Variants in DIAPH3 observed in about 807,000 individuals in gnomAD.
DIAPH3 encodes the protein protein diaphanous homolog 3.
DIAPH3 carries 117 observed loss-of-function variants against 144.3 expected under a neutral mutation model. The ratio of observed to expected loss-of-function variants is 0.81; its 90% CI spans 0.70 to 0.95. DIAPH3 has a LOEUF of 0.95. Among genes scored for constraint, DIAPH3 ranks in the 40% least tolerant of loss-of-function variants. The pLI, the probability that DIAPH3 is intolerant of heterozygous loss-of-function variation, is 0.00. For synonymous variants in DIAPH3, 519 were observed against 488.9 expected, an observed-to-expected ratio of 1.06 and a Z score of -0.81; for missense variants, 1,421 against 1,412.7, an observed-to-expected ratio of 1.01 and a Z score of -0.09.
chr13:59,756,505 GCAGGCAGGTAGT>G (rs1455536230), intron 27 of DIAPH3, among the ~76,000 whole-genome samples: 1 of 142,774 alleles, frequency 7.0e-6, no homozygotes, highest in Non-Finnish European at 1.6e-5. Flanking sequence ...AGGCAGGCAG[GCAGGCAGGTAGT>G]CAGGCAGGCA....
At chr13:59,765,945 T>C (rs889386145) in intron 27 of DIAPH3, among the ~76,000 whole-genome samples, 1 of 152,054 alleles carries the variant, frequency 6.6e-6, no homozygotes, top group South Asian at 2.1e-4. Context: ...TGCAGTAGGG[T>C]CCCCCATCCC....
intron 8 of DIAPH3, 57 bp from the exon 9 acceptor site, chr13:60,008,706 C>T (rs2053047573): frequency 9.1e-7 from 1 of 1,097,448 alleles, no homozygotes; most frequent in African/African-American, 1.5e-5. Flanking sequence ...TGCCATAATA[C>T]AATTGCTTTA....
chr13:59,780,411 T>A (rs940180349), intron 25 of DIAPH3, among the ~76,000 whole-genome samples: 1 of 152,204 alleles, frequency 6.6e-6, no homozygotes, highest in Non-Finnish European at 1.5e-5. Flanking sequence ...TTTACAGTAT[T>A]CTAACATAGA....
chr13:59,868,353 C>A (rs528865382), intron 21 of DIAPH3, among the ~76,000 whole-genome samples: 35 of 152,076 alleles, frequency 2.3e-4, no homozygotes, highest in African/African-American at 7.2e-4. Flanking sequence ...ACAAATGGAC[C>A]AAATACATTA....
At chr13:59,806,063 T>A (rs1366900083) in intron 25 of DIAPH3, among the ~76,000 whole-genome samples, 2 of 151,962 alleles carry the variant, frequency 1.3e-5, no homozygotes, top group Non-Finnish European at 2.9e-5. Context: ...ACTAAAGCCA[T>A]GAAAATATAT....
chr13:59,701,302 T>C (rs2034100666), intron 27 of DIAPH3, among the ~76,000 whole-genome samples: 1 of 152,212 alleles, frequency 6.6e-6, no homozygotes, highest in South Asian at 2.1e-4. Context: ...ATACATCAAT[T>C]AGATGCTCTC....
At chr13:60,098,695 T>C (rs2058178429) in intron 3 of DIAPH3, among the ~76,000 whole-genome samples, 1 of 152,114 alleles carries the variant, frequency 6.6e-6, no homozygotes, top group African/African-American at 2.4e-5. Flanking sequence ...CCTCCTTCCA[T>C]TCAAACACAG....
chr13:59,760,333 A>C (rs76018728), intron 27 of DIAPH3, among the ~76,000 whole-genome samples: 1 of 152,138 alleles, frequency 6.6e-6, no homozygotes, highest in East Asian at 1.9e-4. Flanking sequence ...ATTTAATAAA[A>C]CTCTGTTCAT....
At position 59,879,223 on chromosome 13, in the gene DIAPH3, A is replaced by G; in HGVS notation, c.2607+6T>C. The G allele has an allele frequency of 6.2e-7, 1 of 1,613,634 alleles. No homozygotes were observed. Among genetic ancestry groups the G allele is most frequent in the South Asian group, 1.1e-5 (1 of 91,072 alleles). On this transcript the variant is annotated splice_donor_region_variant and intron_variant, in intron 21 of 27. Coordinates refer to ENST00000400324, the MANE Select transcript of DIAPH3 (RefSeq NM_001042517.2). ...CAAATATGTGTTTTTAAAAAAACAA[A>G]CTCACTTTACAGAGAGAGCTAAGGT...
rs74734305 is a variant in DIAPH3 at position 59,879,361 on chromosome 13, A to G, written c.2475T>C (p.Thr825=). 2.4e-3 allele frequency: 3,821 copies of G among 1,613,902 alleles called. 112 individuals carry two copies. In the East Asian group the frequency reaches 0.067, roughly 28 times the overall value. The change falls in exon 21 of 28, where the codon ACT becomes ACC. Residue 825 remains threonine, a synonymous_variant. Transcript: ENST00000400324. ...TGCTCTTCTTTATCTCTTCGCAGGC[A>G]GTACTGACAGCCATGATGTCAGGTT... ...NIKPDIMAVS[T]ACEEIKKSKS... is the part of the protein sequence containing the mutation.
At chr13:59,671,373 TCTCAA>T (rs1405737094) in intron 27 of DIAPH3, among the ~76,000 whole-genome samples, 3 of 152,234 alleles carry the variant, frequency 2.0e-5, no homozygotes, top group Non-Finnish European at 2.9e-5. Context: ...CGTTTCTATT[TCTCAA>T]CTCAACTCTT....
intron 1 of DIAPH3, among the ~76,000 whole-genome samples, chr13:60,151,179 T>C (rs551762681): frequency 6.6e-5 from 10 of 152,182 alleles, no homozygotes; most frequent in African/African-American, 2.4e-4. Flanking sequence ...CTTAACACTA[T>C]AGTGATGAGG....
chr13:59,900,175 C>G (rs1189853337), intron 20 of DIAPH3, among the ~76,000 whole-genome samples: 1 of 152,084 alleles, frequency 6.6e-6, no homozygotes, highest in Non-Finnish European at 1.5e-5. Flanking sequence ...TAAGCTCAAT[C>G]CCTTGATTAA....
At chr13:59,739,183 G>T (rs7321128) in intron 27 of DIAPH3, among the ~76,000 whole-genome samples, 1 of 151,914 alleles carries the variant, frequency 6.6e-6, no homozygotes, top group Non-Finnish European at 1.5e-5. Context: ...TTGAATTTGC[G>T]TTTTGTTAAG....
intron 17 of DIAPH3, among the ~76,000 whole-genome samples, chr13:59,938,049 T>C (rs1486610517): frequency 6.6e-6 from 1 of 152,130 alleles, no homozygotes; most frequent in East Asian, 1.9e-4. Flanking sequence ...ACTTGCCCAG[T>C]TTCTCAGTTA....
rs59987412 is a variant in DIAPH3, at chr13:59,729,810, A to ATTTTTTTTTTTTTTT, written c.3319+44364_3319+44378dup. On this transcript the variant is annotated intron_variant, in intron 27 of 27. Coordinates refer to ENST00000400324, the MANE Select transcript of DIAPH3 (RefSeq NM_001042517.2). ...TGTGACTTCCGGTGAATACATTAAT[A>ATTTTTTTTTTTTTTT]TTTTTTTTTTTTTTTTTTTGAGATA... is the stretch of plus-strand genomic sequence containing the variant. 4.8e-4 allele frequency among the ~76,000 whole-genome samples: 64 copies of ATTTTTTTTTTTTTTT among 134,230 alleles called. 1 individual carries two copies. The highest frequency in any genetic ancestry group is 1.8e-3 in the African/African-American group (59 of 32,624). The allele number at this position is 134,230 out of a possible 152,430, so 88.1% of individuals were successfully genotyped here.
chr13:59,731,529 T>C (rs551066050), intron 27 of DIAPH3, among the ~76,000 whole-genome samples: 7 of 152,194 alleles, frequency 4.6e-5, no homozygotes, highest in South Asian at 2.1e-4. Context: ...TATTAAGCAA[T>C]CTAATTAGAC....
At chr13:59,885,167 T>C (rs964276111) in intron 20 of DIAPH3, among the ~76,000 whole-genome samples, 2 of 152,024 alleles carry the variant, frequency 1.3e-5, no homozygotes, top group African/African-American at 4.8e-5. Context: ...AAAGCTATGA[T>C]TGGTAAAGCT....
chr13:59,736,119 T>G (rs1374714765), intron 27 of DIAPH3, among the ~76,000 whole-genome samples: 3 of 152,194 alleles, frequency 2.0e-5, no homozygotes, highest in African/African-American at 7.2e-5. Context: ...AAGGACATGC[T>G]TGCATTCTTT....
Sources: gnomAD v4.1 joint callset for allele counts (sites outside exome capture counted in the v4.1 genomes callset) on GRCh38, gnomAD v4.1.1 for gene constraint, MANE v1.5 for transcripts, NCBI Gene and HGNC (gene_info 2026-07-23, HGNC 2026-07-21) for gene names.